EIF4B: variants seen among roughly 807,000 people sequenced by gnomAD.
EIF4B encodes eukaryotic translation initiation factor 4B.
Under a neutral mutation model 79.3 loss-of-function variants are expected in EIF4B, and 8 were observed. That is an observed-to-expected ratio of 0.10 (90% CI 0.06 to 0.18). The LOEUF (loss-of-function observed/expected upper bound fraction) is 0.18. Among genes scored for constraint, EIF4B ranks in the 10% least tolerant of loss-of-function variants. The pLI, the probability that EIF4B is intolerant of heterozygous loss-of-function variation, is 1.00. For missense variants in EIF4B, 515 were observed against 792.4 expected, an observed-to-expected ratio of 0.65 and a Z score of 4.20; for synonymous variants, 238 against 274.7, an observed-to-expected ratio of 0.87 and a Z score of 1.32.
intron 6 of EIF4B, chr12:53,025,265 C>T (rs1439398072): frequency 2.2e-6 from 1 of 455,530 alleles, no homozygotes; most frequent in African/African-American, 2.0e-5. Context: ...GACAATCAGA[C>T]CAAGGGTCCT....
intron 1 of EIF4B, among the ~76,000 whole-genome samples, chr12:53,007,293 C>T (rs932924387): frequency 6.6e-6 from 1 of 152,000 alleles, no homozygotes; most frequent in African/African-American, 2.4e-5. Context: ...AGATTTCCTT[C>T]TAGGCTTTTT....
chr12:53,035,732 A>G (rs535186575), intron 10 of EIF4B, among the ~76,000 whole-genome samples: 2 of 152,236 alleles, frequency 1.3e-5, no homozygotes, highest in Admixed American at 6.5e-5. Flanking sequence ...TCAGCCTCAT[A>G]AAGTGCTGGG....
chr12:53,038,513 G>GT, intron 12 of EIF4B, 102 bp downstream of exon 12: 1 of 1,174,800 alleles, frequency 8.5e-7, no homozygotes, highest in Non-Finnish European at 1.2e-6. Context: ...ACCTGATACC[G>GT]TGTTAAGAGT....
chr12:53,014,758 G>T (rs1219962688), intron 1 of EIF4B: 2 of 152,188 alleles, frequency 1.3e-5, no homozygotes, highest in Admixed American at 6.5e-5. Context: ...TAAAAATCAG[G>T]TGACAATTGG....
chr12:53,039,397 A>G, intron 13 of EIF4B, 54 bp downstream of exon 13: 2 of 1,440,790 alleles, frequency 1.4e-6, no homozygotes, highest in Non-Finnish European at 1.9e-6. Flanking sequence ...TGTGTAATTA[A>G]GAAATTAAGT....
intron 8 of EIF4B, 59 bp downstream of exon 8, chr12:53,028,247 T>G: frequency 6.6e-7 from 1 of 1,522,996 alleles, no homozygotes; most frequent in Non-Finnish European, 8.8e-7. Context: ...TACGGAAAAT[T>G]TGTGATTGTG....
chr12:53,039,858 G>C (rs1943601354), intron 14 of EIF4B, 156 bp downstream of exon 14: 1 of 787,400 alleles, frequency 1.3e-6, no homozygotes. Context: ...ATAAGACATT[G>C]GTCTTTACTG....
At position 53,030,043 on chromosome 12, in the gene EIF4B, G is replaced by A. The variant is rs143900511; in HGVS notation, c.979+1855G>A. 3.7e-3 allele frequency among the ~76,000 whole-genome samples: 449 copies of A among 120,308 alleles called. 4 individuals carry two copies. The highest frequency in any genetic ancestry group is 0.032 in the Admixed American group (313 of 9,658). The allele number at this position is 120,308 out of a possible 152,430, so 78.9% of individuals were successfully genotyped here. ...TCAAGACAAGCCCTGGCAACATAGTGAGACCCCATCTCTGCAAAAAATACA... is the reference window on the plus strand; with the variant it reads ...TCAAGACAAGCCCTGGCAACATAGTAAGACCCCATCTCTGCAAAAAATACA... On this transcript the variant is annotated intron_variant, in intron 8 of 14. Coordinates refer to ENST00000262056, the MANE Select transcript of EIF4B (RefSeq NM_001417.7).
intron 1 of EIF4B, among the ~76,000 whole-genome samples, chr12:53,010,360 C>A (rs1273253031): frequency 6.6e-6 from 1 of 152,128 alleles, no homozygotes; most frequent in Non-Finnish European, 1.5e-5. Flanking sequence ...GCACTGGGAT[C>A]TTTTTGACTT....
chr12:53,019,450 C>CTTTTTTTTTTTTTTTTTTTTT lies in EIF4B; in HGVS notation c.360+448_361-436dup, dbSNP rs71095966. Among the ~76,000 whole-genome samples the CTTTTTTTTTTTTTTTTTTTTT allele has an allele frequency of 6.5e-4, 43 of 66,010 alleles. 5 individuals carry two copies. The highest frequency in any genetic ancestry group is 9.7e-4 in the Non-Finnish European group (31 of 31,890). The allele number at this position is 66,010 out of a possible 152,430, so 43.3% of individuals were successfully genotyped here. A position where few individuals can be genotyped will look rare whatever the true frequency, so the allele number is the denominator to read the frequency against. On this transcript the variant is annotated intron_variant, in intron 3 of 14. Coordinates refer to ENST00000262056, the MANE Select transcript of EIF4B (RefSeq NM_001417.7). ...ATATATATATATATTTTTTTTTTTT[C>CTTTTTTTTTTTTTTTTTTTTT]TTTTTTTTTTTTTTTTTTTTTTTTG...
intron 10 of EIF4B, 112 bp from the exon 11 acceptor site, chr12:53,037,297 A>C: frequency 8.3e-7 from 1 of 1,205,160 alleles, no homozygotes; most frequent in Non-Finnish European, 1.2e-6. Flanking sequence ...GGATAAATCC[A>C]TCTTTGGGAG....
At chr12:53,019,437 A>ATTTTTTTTTTTT (rs1337954535) in intron 3 of EIF4B, among the ~76,000 whole-genome samples, 4 of 51,022 alleles carry the variant, frequency 7.8e-5, no homozygotes, top group East Asian at 1.3e-3. Flanking sequence ...ATATATATAT[A>ATTTTTTTTTTTT]TTTTTTTTTT....
At chr12:53,007,664 A>G (rs998762496) in intron 1 of EIF4B, among the ~76,000 whole-genome samples, 2 of 152,282 alleles carry the variant, frequency 1.3e-5, no homozygotes, top group South Asian at 4.1e-4. Context: ...ATGACCTTGC[A>G]TTCTTCAAAA....
intron 2 of EIF4B, 142 bp from the exon 3 acceptor site, chr12:53,018,656 T>G (rs1943186238): frequency 2.6e-6 from 2 of 765,036 alleles, no homozygotes; most frequent in Admixed American, 2.7e-5. Context: ...TAAAGTGCCC[T>G]TATTACTGAA....
Position 53,033,900 on chromosome 12 carries a change from T to C in EIF4B, c.1074T>C (p.Ala358=). 1 of 1,614,146 alleles carries C rather than the reference T, an allele frequency of 6.2e-7. No individual in the cohort carries two copies. The highest frequency in any genetic ancestry group is 8.5e-7 in the Non-Finnish European group (1 of 1,179,964). The change falls in exon 9 of 15, where the codon GCT becomes GCC. Residue 358 remains alanine, a synonymous_variant. Transcript: ENST00000262056. ...GTACCTCCCAGTCCACTCGAGCTGCTTCTATCTTTGGAGGGGCAAAGCCTG... is the reference window on the plus strand; with the variant it reads ...GTACCTCCCAGTCCACTCGAGCTGCCTCTATCTTTGGAGGGGCAAAGCCTG... The part of the protein sequence containing the change: ...SASTSQSTRA[A]SIFGGAKPVD...
intron 8 of EIF4B, among the ~76,000 whole-genome samples, chr12:53,033,003 TTTTATTTATTTTTA>T (rs1465876206): frequency 1.3e-5 from 2 of 151,348 alleles, no homozygotes; most frequent in African/African-American, 4.9e-5. Context: ...CTATTTTTAT[TTTTATTTATTTTTA>T]TTTATTTATT....
chr12:53,020,549 T>C (rs1479943097), intron 4 of EIF4B, among the ~76,000 whole-genome samples: 1 of 152,166 alleles, frequency 6.6e-6, no homozygotes, highest in Non-Finnish European at 1.5e-5. Flanking sequence ...CCCACAAAGG[T>C]TTTCCTGTCC....
At chr12:53,035,902 C>CT (rs1460280029) in intron 10 of EIF4B, among the ~76,000 whole-genome samples, 3 of 152,070 alleles carry the variant, frequency 2.0e-5, no homozygotes, top group Admixed American at 1.3e-4. Flanking sequence ...ACTGCAACCT[C>CT]TGACTCCCTG....
chr12:53,028,000 G>A lies in EIF4B; in HGVS notation c.806-15G>A. The A allele has an allele frequency of 6.2e-7, 1 of 1,608,084 alleles. No individual in the cohort carries two copies. Among genetic ancestry groups the A allele is most frequent in the South Asian group, 1.1e-5 (1 of 90,664 alleles). On this transcript the variant is annotated splice_polypyrimidine_tract_variant and intron_variant, in intron 7 of 14. Transcript: ENST00000262056. ...CCCTCCGCTGTGATGATTATAATTT[G>A]GGATATATTTACAGGCTATGATTCC...
Sources: allele counts gnomAD v4.1 joint callset (sites outside exome capture counted in the v4.1 genomes callset), GRCh38; gene constraint gnomAD v4.1.1; transcripts MANE v1.5; gene names NCBI Gene and HGNC (gene_info 2026-07-23, HGNC 2026-07-21).